Variants in PTPRT observed in about 807,000 individuals in gnomAD.
PTPRT encodes protein tyrosine phosphatase receptor type T, also known as receptor-type tyrosine-protein phosphatase T.
Under a neutral mutation model 176.8 loss-of-function variants are expected in PTPRT, and 56 were observed. The observed-to-expected ratio is 0.32, with a 90% CI of 0.26 to 0.40. The LOEUF (loss-of-function observed/expected upper bound fraction) is 0.40. Ranked by LOEUF, PTPRT falls within the 10% of genes least tolerant of loss-of-function variation. The probability of loss-of-function intolerance (pLI) is 1.00; values close to 1 mark genes in which losing one functional copy is unlikely to be tolerated. For missense variants in PTPRT, 1,540 were observed against 1,908.2 expected, an observed-to-expected ratio of 0.81 and a Z score of 3.60; for synonymous variants, 783 against 739.0, an observed-to-expected ratio of 1.06 and a Z score of -0.96.
At chr20:43,060,127 G>T (rs1190566412) in intron 1 of PTPRT, among the ~76,000 whole-genome samples, 1 of 151,880 alleles carries the variant, frequency 6.6e-6, no homozygotes, top group African/African-American at 2.4e-5. Context: ...CACATTTTCA[G>T]GTGTTTGGCA....
At chr20:42,918,664 C>A (rs1418402890) in intron 1 of PTPRT, among the ~76,000 whole-genome samples, 1 of 152,150 alleles carries the variant, frequency 6.6e-6, no homozygotes, top group African/African-American at 2.4e-5. Context: ...CAAACTTGCA[C>A]ATTTTTTTGA....
downstream of PTPRT, among the ~76,000 whole-genome samples, chr20:42,069,723 A>C (rs564721109): frequency 3.3e-5 from 5 of 152,306 alleles, no homozygotes; most frequent in South Asian, 8.3e-4. Flanking sequence ...TTCTCTATGC[A>C]TCTGTAATTC....
chr20:42,400,106 C>A (rs1180024650), intron 9 of PTPRT, among the ~76,000 whole-genome samples: 1 of 152,136 alleles, frequency 6.6e-6, no homozygotes, highest in Non-Finnish European at 1.5e-5. Context: ...TGTCTTTAAC[C>A]CAACTCGGAG....
At chr20:42,404,972 T>TTATATATATATA (rs200602736) in intron 9 of PTPRT, among the ~76,000 whole-genome samples, 9,006 of 77,628 alleles carry the variant, frequency 0.12, 841 homozygotes, top group East Asian at 0.25. Context: ...GGCCAATTAA[T>TTATATATATATA]TATATATATA....
intron 1 of PTPRT, among the ~76,000 whole-genome samples, chr20:43,015,134 T>G (rs919728660): frequency 6.6e-6 from 1 of 152,232 alleles, no homozygotes; most frequent in Non-Finnish European, 1.5e-5. Flanking sequence ...AAGAGACATG[T>G]TCTTTTAACT....
chr20:42,576,640 G>A (rs1250268514), intron 7 of PTPRT, among the ~76,000 whole-genome samples: 1 of 152,134 alleles, frequency 6.6e-6, no homozygotes, highest in Admixed American at 6.5e-5. Context: ...TGACCCAGGA[G>A]TTATCTGTGT....
intron 16 of PTPRT, among the ~76,000 whole-genome samples, chr20:42,194,040 A>C (rs1260163858): frequency 6.6e-6 from 1 of 152,166 alleles, no homozygotes; most frequent in Non-Finnish European, 1.5e-5. Flanking sequence ...TCATCTGTAG[A>C]ATGGGAATAA....
chr20:42,242,951 G>A (rs1004759762), intron 14 of PTPRT, among the ~76,000 whole-genome samples: 104 of 150,598 alleles, frequency 6.9e-4, no homozygotes, highest in African/African-American at 2.4e-3. Flanking sequence ...GCACAGTTAG[G>A]AAGGTCAGTG....
chr20:42,569,696 C>G (rs2073121053), intron 7 of PTPRT, among the ~76,000 whole-genome samples: 1 of 152,170 alleles, frequency 6.6e-6, no homozygotes, highest in African/African-American at 2.4e-5. Flanking sequence ...CAGAGCCATG[C>G]TATGCTCCAG....
intron 27 of PTPRT, among the ~76,000 whole-genome samples, chr20:42,097,157 G>A (rs559699010): frequency 1.2e-4 from 19 of 152,212 alleles, no homozygotes; most frequent in South Asian, 4.2e-4. Flanking sequence ...GGATTCTGTC[G>A]CTTACAAAGT....
intron 16 of PTPRT, among the ~76,000 whole-genome samples, chr20:42,181,976 C>A (rs1049943035): frequency 6.6e-6 from 1 of 151,204 alleles, no homozygotes; most frequent in Non-Finnish European, 1.5e-5. Context: ...TAATCATAGA[C>A]CTGAAGGATA....
intron 7 of PTPRT, among the ~76,000 whole-genome samples, chr20:42,574,233 A>C: frequency 6.6e-6 from 1 of 152,154 alleles, no homozygotes; most frequent in East Asian, 1.9e-4. Context: ...GAGTCTGAAC[A>C]AATTCTTTAA....
At chr20:42,970,181 T>C (rs1156829997) in intron 1 of PTPRT, among the ~76,000 whole-genome samples, 1 of 152,188 alleles carries the variant, frequency 6.6e-6, no homozygotes, top group Non-Finnish European at 1.5e-5. Context: ...GCATGTGCCT[T>C]CTTAGTCGAG....
chr20:43,173,440 T>G (rs1020183520), intron 1 of PTPRT, among the ~76,000 whole-genome samples: 7 of 152,224 alleles, frequency 4.6e-5, no homozygotes, highest in African/African-American at 1.7e-4. Flanking sequence ...ACCTGATGCA[T>G]CCTACAAATG....
chr20:42,674,519 A>G (rs1444451096), intron 7 of PTPRT, among the ~76,000 whole-genome samples: 1 of 152,242 alleles, frequency 6.6e-6, no homozygotes, highest in East Asian at 1.9e-4. Flanking sequence ...TCATTTATAA[A>G]GATCAAAAAC....
chr20:42,357,665 T>TG (rs1241986787), intron 9 of PTPRT, among the ~76,000 whole-genome samples: 1 of 152,038 alleles, frequency 6.6e-6, no homozygotes, highest in Non-Finnish European at 1.5e-5. Flanking sequence ...TCCCAGCACT[T>TG]TGGGAGGCTA....
chr20:42,110,605 GTGTT>G (rs532963180), intron 22 of PTPRT, 118 bp from the exon 23 acceptor site: 1 of 1,114,966 alleles, frequency 9.0e-7, no homozygotes, highest in Non-Finnish European at 1.2e-6. Flanking sequence ...GGCCCTCACA[GTGTT>G]TGTTAATAGG....
chr20:42,468,160 C>T (rs1245060987), intron 8 of PTPRT, among the ~76,000 whole-genome samples: 1 of 152,234 alleles, frequency 6.6e-6, no homozygotes, highest in Non-Finnish European at 1.5e-5. Context: ...CACTGAGGTG[C>T]TGAAATTACA....
chr20:42,130,275 C>A (rs181440861), intron 18 of PTPRT, among the ~76,000 whole-genome samples: 1 of 152,306 alleles, frequency 6.6e-6, no homozygotes, highest in East Asian at 1.9e-4. Context: ...AACAAGGAGA[C>A]ACTGCCTGCC....
Sources: allele counts gnomAD v4.1 joint callset (sites outside exome capture counted in the v4.1 genomes callset), GRCh38; gene constraint gnomAD v4.1.1; transcripts MANE v1.5; gene names NCBI Gene and HGNC (gene_info 2026-07-23, HGNC 2026-07-21).